CALCR: variants seen among roughly 807,000 people sequenced by gnomAD.
CALCR encodes calcitonin receptor.
A neutral mutation model predicts 59.5 loss-of-function variants in CALCR; 47 were observed. The observed-to-expected ratio is 0.79, with a 90% CI of 0.63 to 1.01. CALCR has a LOEUF of 1.01. Ranked by LOEUF, CALCR falls within the 50% of genes least tolerant of loss-of-function variation. The pLI is 0.00. For synonymous variants in CALCR, 213 were observed against 211.3 expected, an observed-to-expected ratio of 1.01 and a Z score of -0.07; for missense variants, 566 against 597.1, an observed-to-expected ratio of 0.95 and a Z score of 0.54.
At chr7:93,552,497 T>A (rs1339196645) in intron 2 of CALCR, among the ~76,000 whole-genome samples, 1 of 152,128 alleles carries the variant, frequency 6.6e-6, no homozygotes, top group Non-Finnish European at 1.5e-5. Flanking sequence ...AAAACTAAGG[T>A]TAAATACTGA....
At chr7:93,431,733 C>T (rs1799662253) in intron 13 of CALCR, among the ~76,000 whole-genome samples, 2 of 152,160 alleles carry the variant, frequency 1.3e-5, no homozygotes, top group African/African-American at 4.8e-5. Flanking sequence ...CTTTTGCACA[C>T]TCCAATTTGT....
intron 8 of CALCR, among the ~76,000 whole-genome samples, chr7:93,452,555 G>A (rs1472772532): frequency 6.6e-6 from 1 of 152,030 alleles, no homozygotes; most frequent in East Asian, 1.9e-4. Context: ...ATTTAAGGAT[G>A]CAACATTTTC....
chr7:93,503,010 T>C (rs1801352076), intron 2 of CALCR, among the ~76,000 whole-genome samples: 1 of 152,174 alleles, frequency 6.6e-6, no homozygotes, highest in South Asian at 2.1e-4. Context: ...ATTGTTACTG[T>C]AATTTTGCAG....
intron 2 of CALCR, among the ~76,000 whole-genome samples, chr7:93,531,156 C>T (rs1428610725): frequency 6.6e-6 from 1 of 151,922 alleles, no homozygotes; most frequent in Non-Finnish European, 1.5e-5. Flanking sequence ...TGACCATAAA[C>T]AGGACGTTAA....
At chr7:93,467,306 T>C (rs1229638200) in intron 7 of CALCR, among the ~76,000 whole-genome samples, 1 of 151,670 alleles carries the variant, frequency 6.6e-6, no homozygotes, top group African/African-American at 2.4e-5. Context: ...GTTAAACCAT[T>C]TATGGAAGGA....
intron 6 of CALCR, among the ~76,000 whole-genome samples, chr7:93,470,009 C>T (rs1402079877): frequency 6.6e-6 from 1 of 151,616 alleles, no homozygotes; most frequent in Non-Finnish European, 1.5e-5. Context: ...TTATTGTTAT[C>T]CTGAAATGAA....
chr7:93,502,756 C>A (rs908179080), intron 2 of CALCR, among the ~76,000 whole-genome samples: 1 of 152,034 alleles, frequency 6.6e-6, no homozygotes, highest in African/African-American at 2.4e-5. Context: ...TAATGGAATA[C>A]TCTGCAGCCA....
At chr7:93,494,824 G>A (rs73711685) in intron 2 of CALCR, among the ~76,000 whole-genome samples, 4,071 of 151,512 alleles carry the variant, frequency 0.027, 207 homozygotes, top group African/African-American at 0.093. Flanking sequence ...GCTGAAGAAT[G>A]AGATAATTTC....
At chr7:93,465,826 C>T (rs982243035) in intron 7 of CALCR, among the ~76,000 whole-genome samples, 2 of 151,854 alleles carry the variant, frequency 1.3e-5, no homozygotes, top group African/African-American at 2.4e-5. Flanking sequence ...AGATTAAAGG[C>T]ATGCTTTAAT....
In CALCR at chr7:93,466,285, G is replaced by GA. The variant is rs1283092907; in HGVS notation, c.521+2429dup. 7.3e-5 allele frequency among the ~76,000 whole-genome samples: 11 copies of GA among 151,542 alleles called. No individual in the cohort carries two copies. The South Asian group carries it at 2.3e-3, about 32-fold the overall frequency. ...AAGGTGATGGTGATGTAGAGTATTT[G>GA]AAAAAAAATTCTGGAAAAAATTTGC... On this transcript the variant is annotated intron_variant, in intron 7 of 13. Transcript: ENST00000426151.
chr7:93,473,590 C>CTTTT lies in CALCR; in HGVS notation c.317-1107_317-1104dup, dbSNP rs1195826503. 6.7e-4 allele frequency among the ~76,000 whole-genome samples: 83 copies of CTTTT among 123,936 alleles called. 1 individual carries two copies. The highest frequency in any genetic ancestry group is 2.5e-3 in the East Asian group (10 of 4,014). The allele number at this position is 123,936 out of a possible 152,430, so 81.3% of individuals were successfully genotyped here. On this transcript the variant is annotated intron_variant, in intron 5 of 13. Coordinates refer to ENST00000426151, the MANE Select transcript of CALCR (RefSeq NM_001742.4). ...GGTAACACTGGTTTGGCCCCCCCCC[C>CTTTT]TTTTTTTTTTTTTTTTTGAAATTGA...
At chr7:93,440,917 G>A (rs985706083) in intron 9 of CALCR, among the ~76,000 whole-genome samples, 4 of 152,024 alleles carry the variant, frequency 2.6e-5, no homozygotes, top group South Asian at 2.1e-4. Context: ...TGAATCATTC[G>A]AATTGTTGTT....
At position 93,443,873 on chromosome 7, in the gene CALCR, C is replaced by T. The variant is rs1370632454; in HGVS notation, c.649-116G>A. ...CTGCATTCAGCTTGCAAGGCAGTTTCCCAAGCATCTGTAAACATGTGCCAC... is the reference window on the plus strand; with the variant it reads ...CTGCATTCAGCTTGCAAGGCAGTTTTCCAAGCATCTGTAAACATGTGCCAC... On this transcript the variant is annotated intron_variant, in intron 8 of 13. Transcript: ENST00000426151. The T allele has an allele frequency of 8.4e-6, 7 of 832,798 alleles. No individual in the cohort carries two copies. In the East Asian group the frequency reaches 1.5e-4, roughly 18 times the overall value. 51.6% of individuals were successfully genotyped at this position (832,798 alleles called of 1,614,324 possible). A position where few individuals can be genotyped will look rare whatever the true frequency, so the allele number is the denominator to read the frequency against.
intron 8 of CALCR, among the ~76,000 whole-genome samples, chr7:93,445,261 T>C (rs1376498652): frequency 1.3e-5 from 2 of 152,130 alleles, no homozygotes; most frequent in African/African-American, 4.8e-5. Flanking sequence ...AGTTTTGTAT[T>C]TTCTAAGCAA....
Position 93,425,109 on chromosome 7 carries a change from G to T in CALCR, c.*1247C>A, listed in dbSNP as rs555292647. On this transcript the variant is annotated 3_prime_UTR_variant, in exon 14 of 14. Transcript: ENST00000426151. The stretch of plus-strand genomic sequence containing the variant: ...AATTTCAGGTGCCAGTAACGATACT[G>T]GTTTATTCAGGATTTTCAAAAATCT... 9 of 152,640 alleles carry T rather than the reference G, an allele frequency of 5.9e-5. No individual in the cohort carries two copies. The highest frequency in any genetic ancestry group is 2.0e-4 in the Admixed American group (3 of 15,288). 9.5% of individuals were successfully genotyped at this position (152,640 alleles called of 1,614,324 possible).
chr7:93,545,998 C>CA (rs964121280), intron 2 of CALCR, among the ~76,000 whole-genome samples: 16 of 151,476 alleles, frequency 1.1e-4, no homozygotes, highest in East Asian at 1.9e-4. Flanking sequence ...AAGAAAATAA[C>CA]AAAAAAAATA....
intron 2 of CALCR, among the ~76,000 whole-genome samples, chr7:93,524,457 ACCGTGCCCAG>A (rs1801835038): frequency 1.3e-5 from 2 of 152,052 alleles, no homozygotes; most frequent in South Asian, 2.1e-4. Context: ...GGCGTGAAAC[ACCGTGCCCAG>A]CCTGGTTTTT....
chr7:93,442,685 A>C (rs926882357), intron 9 of CALCR, among the ~76,000 whole-genome samples: 1 of 152,144 alleles, frequency 6.6e-6, no homozygotes, highest in African/African-American at 2.4e-5. Context: ...GGGCAAGCTT[A>C]GTTGAAGGCC....
intron 2 of CALCR, among the ~76,000 whole-genome samples, chr7:93,566,244 C>T (rs1263111380): frequency 6.6e-6 from 1 of 152,074 alleles, no homozygotes; most frequent in Non-Finnish European, 1.5e-5. Context: ...TATCACATTT[C>T]ACTTTTTTTT....
Sources: gnomAD v4.1 joint callset for allele counts (sites outside exome capture counted in the v4.1 genomes callset) on GRCh38, gnomAD v4.1.1 for gene constraint, MANE v1.5 for transcripts, NCBI Gene and HGNC (gene_info 2026-07-23, HGNC 2026-07-21) for gene names.